Variants in HLCS observed in about 807,000 individuals in gnomAD.
HLCS encodes the protein biotin--protein ligase.
HLCS carries 53 observed loss-of-function variants against 75.0 expected under a neutral mutation model. The ratio of observed to expected loss-of-function variants is 0.71; its 90% CI spans 0.57 to 0.89. The LOEUF (loss-of-function observed/expected upper bound fraction) is 0.89. Among genes scored for constraint, HLCS ranks in the 40% least tolerant of loss-of-function variants. HLCS has a pLI of 0.00. For missense variants in HLCS, 966 were observed against 1,074.0 expected, an observed-to-expected ratio of 0.90 and a Z score of 1.41; for synonymous variants, 431 against 428.6, an observed-to-expected ratio of 1.01 and a Z score of -0.07.
intron 6 of HLCS, among the ~76,000 whole-genome samples, chr21:36,833,038 C>G (rs1030956497): frequency 4.7e-5 from 7 of 150,022 alleles, no homozygotes; most frequent in African/African-American, 1.7e-4. Context: ...AATAGAAGAC[C>G]ATTTTTTTTT....
intron 6 of HLCS, among the ~76,000 whole-genome samples, chr21:36,816,235 A>T (rs1373806464): frequency 2.6e-5 from 4 of 152,100 alleles, no homozygotes; most frequent in Non-Finnish European, 4.4e-5. Context: ...TCTATAAAAA[A>T]TTTTAAAAAT....
chr21:36,917,918 C>A (rs2066000807), intron 5 of HLCS, among the ~76,000 whole-genome samples: 1 of 148,288 alleles, frequency 6.7e-6, no homozygotes, highest in African/African-American at 2.5e-5. Context: ...CCACGTAAAT[C>A]ACCAAGTCAT....
intron 6 of HLCS, among the ~76,000 whole-genome samples, chr21:36,880,151 C>T (rs2064147953): frequency 6.6e-6 from 1 of 152,122 alleles, no homozygotes; most frequent in African/African-American, 2.4e-5. Flanking sequence ...ACATTTGGTG[C>T]ACTTCATGAC....
At chr21:36,876,080 A>ACTGTGCACTGGCCTGC (rs1426393621) in intron 6 of HLCS, among the ~76,000 whole-genome samples, 12 of 152,050 alleles carry the variant, frequency 7.9e-5, no homozygotes, top group Non-Finnish European at 1.3e-4. Flanking sequence ...CGCAGCAGCC[A>ACTGTGCACTGGCCTGC]CTGTGCACTG....
intron 1 of HLCS, among the ~76,000 whole-genome samples, chr21:36,973,053 G>GA (rs573920981): frequency 0.41 from 60,389 of 147,180 alleles, 12,890 homozygotes; most frequent in South Asian, 0.53. Context: ...CCATCTCTAT[G>GA]AAAAAAAAAA....
rs563793368 is a variant in HLCS at position 36,897,823 on chromosome 21, G to A, written c.1621-692C>T. ...CTCTACTCTATCCCCAAAACCACAA[G>A]GCTGGAGGAGGTTCCCCCACGCCAG... On this transcript the variant is annotated intron_variant, in intron 5 of 10. Transcript: ENST00000674895. Among the ~76,000 whole-genome samples, 3 of 152,272 alleles carry A rather than the reference G, an allele frequency of 2.0e-5. No individual in the cohort carries two copies. In the East Asian group the frequency reaches 5.8e-4, roughly 29 times the overall value.
chr21:36,839,858 C>T (rs992521810), intron 6 of HLCS, among the ~76,000 whole-genome samples: 1 of 152,194 alleles, frequency 6.6e-6, no homozygotes, highest in African/African-American at 2.4e-5. Flanking sequence ...TGCCTGTGAA[C>T]TTAAATGACA....
intron 6 of HLCS, among the ~76,000 whole-genome samples, chr21:36,863,980 T>C (rs1485727872): frequency 6.6e-6 from 1 of 152,236 alleles, no homozygotes; most frequent in Non-Finnish European, 1.5e-5. Context: ...GCTAGGACAG[T>C]TGCAAAGGAT....
intron 6 of HLCS, among the ~76,000 whole-genome samples, chr21:36,866,764 C>CTA (rs1308779178): frequency 6.6e-6 from 1 of 151,894 alleles, no homozygotes; most frequent in Non-Finnish European, 1.5e-5. Flanking sequence ...TAAATTGATG[C>CTA]TAAATTGGGT....
In HLCS at chr21:36,948,017, C is replaced by T. The variant is rs1324649341; in HGVS notation, c.331-9023G>A. The T allele has an allele frequency of 7.1e-6, 7 of 984,168 alleles. No individual in the cohort carries two copies. The Admixed American group carries it at 3.7e-4, about 52-fold the overall frequency. The allele number at this position is 984,168 out of a possible 1,614,324, so 61.0% of individuals were successfully genotyped here. A position where few individuals can be genotyped will look rare whatever the true frequency, so the allele number is the denominator to read the frequency against. ...AAGAATTTGAAAATACAGGGCCAGG[C>T]GCGGTGGCTCACACCTGTAATCCCA... is the stretch of plus-strand genomic sequence containing the variant. On this transcript the variant is annotated intron_variant, in intron 2 of 10. Coordinates refer to ENST00000674895, the MANE Select transcript of HLCS (RefSeq NM_001352514.2).
chr21:36,914,303 C>T (rs925221554), intron 5 of HLCS, among the ~76,000 whole-genome samples: 9 of 152,154 alleles, frequency 5.9e-5, no homozygotes, highest in African/African-American at 2.2e-4. Flanking sequence ...CCTGATCTAG[C>T]GATGAGCCCA....
In HLCS at chr21:36,767,642, A is replaced by G. The variant is rs1462978930; in HGVS notation, c.1893-357T>C. Among the ~76,000 whole-genome samples, 7 of 151,838 alleles carry G rather than the reference A, an allele frequency of 4.6e-5. No homozygotes were observed. The South Asian group carries it at 1.0e-3, about 23-fold the overall frequency. ...TTCTCCCCCCACCCCCAATGTATGTACCTTCTTCAAGTGACAACTAGCAAT... is the reference window on the plus strand; with the variant it reads ...TTCTCCCCCCACCCCCAATGTATGTGCCTTCTTCAAGTGACAACTAGCAAT... On this transcript the variant is annotated intron_variant, in intron 6 of 10. Transcript: ENST00000674895.
chr21:36,904,650 C>T (rs2146367396), intron 5 of HLCS, among the ~76,000 whole-genome samples: 1 of 152,292 alleles, frequency 6.6e-6, no homozygotes, highest in African/African-American at 2.4e-5. Context: ...CCCCGCTCCA[C>T]CATTAACCCT....
intron 2 of HLCS, among the ~76,000 whole-genome samples, chr21:36,944,469 A>G (rs2067290440): frequency 6.6e-6 from 1 of 152,254 alleles, no homozygotes. Flanking sequence ...TCATCAAAAC[A>G]CACAGAACTG....
chr21:36,891,604 A>C (rs991407641), intron 6 of HLCS, among the ~76,000 whole-genome samples: 4 of 152,102 alleles, frequency 2.6e-5, no homozygotes, highest in Non-Finnish European at 5.9e-5. Flanking sequence ...GACCTTCTAT[A>C]TGTTGGGAGG....
At chr21:36,811,753 C>G (rs1307038453) in intron 6 of HLCS, among the ~76,000 whole-genome samples, 2 of 152,208 alleles carry the variant, frequency 1.3e-5, no homozygotes, top group Non-Finnish European at 2.9e-5. Context: ...CATAATTAGT[C>G]TCTAACCTTT....
At chr21:36,928,853 T>C (rs1222549186) in intron 5 of HLCS, among the ~76,000 whole-genome samples, 1 of 152,194 alleles carries the variant, frequency 6.6e-6, no homozygotes, top group East Asian at 1.9e-4. Context: ...TTTGCTTTAA[T>C]CATGTTCAAG....
intron 6 of HLCS, among the ~76,000 whole-genome samples, chr21:36,882,889 A>G (rs1209490151): frequency 6.6e-6 from 1 of 152,186 alleles, no homozygotes; most frequent in Non-Finnish European, 1.5e-5. Flanking sequence ...AGGCAGGTAC[A>G]GACTTCCCCA....
chr21:36,942,736 C>T (rs1157498264), intron 2 of HLCS, among the ~76,000 whole-genome samples: 1 of 151,940 alleles, frequency 6.6e-6, no homozygotes, highest in African/African-American at 2.4e-5. Flanking sequence ...AGAACTCCTA[C>T]AACTCAACAA....
Sources: gnomAD v4.1 joint callset for allele counts (sites outside exome capture counted in the v4.1 genomes callset) on GRCh38, gnomAD v4.1.1 for gene constraint, MANE v1.5 for transcripts, NCBI Gene and HGNC (gene_info 2026-07-23, HGNC 2026-07-21) for gene names.